PDE1A: variants seen among roughly 807,000 people sequenced by gnomAD.
PDE1A encodes dual specificity calcium/calmodulin-dependent 3',5'-cyclic nucleotide phosphodiesterase 1A.
A neutral mutation model predicts 61.7 loss-of-function variants in PDE1A; 35 were observed. The ratio of observed to expected loss-of-function variants is 0.57; its 90% CI spans 0.43 to 0.75. The LOEUF is 0.75. Ranked by LOEUF, PDE1A falls within the 30% of genes least tolerant of loss-of-function variation. PDE1A has a pLI of 0.00. For synonymous variants in PDE1A, 232 were observed against 213.2 expected, an observed-to-expected ratio of 1.09 and a Z score of -0.77; for missense variants, 597 against 630.6, an observed-to-expected ratio of 0.95 and a Z score of 0.57.
At chr2:182,209,981 T>C (rs1039044851) in intron 7 of PDE1A, among the ~76,000 whole-genome samples, 3 of 152,258 alleles carry the variant, frequency 2.0e-5, no homozygotes, top group African/African-American at 7.2e-5. Flanking sequence ...TGATAGCTAA[T>C]TTCCTTGCAG....
At chr2:182,711,356 A>G in the PDE1A span, among the ~76,000 whole-genome samples, 1 of 152,310 alleles carries the variant, frequency 6.6e-6, no homozygotes, top group Middle Eastern at 3.4e-3. Flanking sequence ...CAGAAGAGCT[A>G]CATTTATGGA....
At chr2:182,630,509 T>C in the PDE1A span, among the ~76,000 whole-genome samples, 4 of 152,046 alleles carry the variant, frequency 2.6e-5, no homozygotes, top group Non-Finnish European at 5.9e-5. Context: ...AATTACAGCA[T>C]GTTCTCACAT....
intron 13 of PDE1A, among the ~76,000 whole-genome samples, chr2:182,151,157 A>T (rs1690757396): frequency 6.6e-6 from 1 of 152,144 alleles, no homozygotes; most frequent in African/African-American, 2.4e-5. Flanking sequence ...GTGCAATCTC[A>T]GCCCATTGCA....
intron 2 of PDE1A, among the ~76,000 whole-genome samples, chr2:182,438,602 G>A (rs768383366): frequency 5.9e-5 from 9 of 151,902 alleles, no homozygotes; most frequent in South Asian, 4.1e-4. Flanking sequence ...TTACTAGAAA[G>A]ACAATGCAGA....
chr2:182,381,014 G>A (rs954313432), intron 1 of PDE1A, among the ~76,000 whole-genome samples: 1 of 152,144 alleles, frequency 6.6e-6, no homozygotes, highest in African/African-American at 2.4e-5. Context: ...CAGATGTGAT[G>A]GTTGTATTTG....
intron 1 of PDE1A, among the ~76,000 whole-genome samples, chr2:182,405,821 T>C (rs1181171031): frequency 6.6e-6 from 1 of 152,184 alleles, no homozygotes. Flanking sequence ...CTTAATGAGA[T>C]AAATTTGATC....
chr2:182,355,710 G>A (rs1194144605), intron 1 of PDE1A, among the ~76,000 whole-genome samples: 1 of 151,934 alleles, frequency 6.6e-6, no homozygotes, highest in Non-Finnish European at 1.5e-5. Context: ...TTTTTAAAAA[G>A]GCTTTTAATT....
At chr2:182,608,578 G>A in the PDE1A span, among the ~76,000 whole-genome samples, 1 of 152,332 alleles carries the variant, frequency 6.6e-6, no homozygotes, top group East Asian at 1.9e-4. Context: ...GCAGTGAGGG[G>A]CTTAGCACCT....
At chr2:182,201,657 A>AAC in intron 9 of PDE1A, 31 bp downstream of exon 9, 1 of 1,554,368 alleles carries the variant, frequency 6.4e-7, no homozygotes, top group Non-Finnish European at 8.7e-7. Context: ...TGACAAAAAA[A>AAC]AAAAAACAAC....
At position 182,407,672 on chromosome 2, in the gene PDE1A, T is replaced by C. The variant is rs1702377948; in HGVS notation, c.53+18906A>G. On this transcript the variant is annotated intron_variant, in intron 1 of 13. Transcript: ENST00000351439. ...CTGGGATTACAGATGTGAGCCACCG[T>C]GCCCGGCCAACATACTTTACGTAGC... is the stretch of plus-strand genomic sequence containing the variant. 3.3e-5 allele frequency among the ~76,000 whole-genome samples: 5 copies of C among 152,230 alleles called. No individual in the cohort carries two copies. The South Asian group carries it at 1.0e-3, about 32-fold the overall frequency.
At chr2:182,561,488 A>G in the PDE1A span, among the ~76,000 whole-genome samples, 525 of 152,248 alleles carry the variant, frequency 3.4e-3, 10 homozygotes, top group African/African-American at 0.012. Context: ...GTCAGGCAGC[A>G]TGATGCCTCC....
rs1189404180 is a variant in PDE1A at position 182,467,636 on chromosome 2, C to A, written c.101+54640G>T. ...GACCAATACCACTTGAAAACAGAGA[C>A]TAAAACTGTAAAAATAAATTAGCAA... On this transcript the variant is annotated intron_variant, in intron 2 of 14. Transcript: ENST00000410103. Among the ~76,000 whole-genome samples the A allele has an allele frequency of 3.3e-5, 5 of 151,904 alleles. No individual in the cohort carries two copies. In the South Asian group the frequency reaches 8.3e-4, roughly 25 times the overall value.
chr2:182,239,807 A>C (rs1440474667), intron 3 of PDE1A, among the ~76,000 whole-genome samples: 1 of 152,202 alleles, frequency 6.6e-6, no homozygotes, highest in Admixed American at 6.5e-5. Context: ...TAACATATAC[A>C]TGTGTCAGAA....
the PDE1A span, among the ~76,000 whole-genome samples, chr2:182,592,945 C>G: frequency 6.6e-6 from 1 of 152,102 alleles, no homozygotes; most frequent in South Asian, 2.1e-4. Flanking sequence ...GAGGCCTTAC[C>G]CCTAAAGATA....
At chr2:182,631,238 C>T in the PDE1A span, among the ~76,000 whole-genome samples, 49 of 152,150 alleles carry the variant, frequency 3.2e-4, no homozygotes, top group African/African-American at 1.1e-3. Context: ...TATCCTAGTT[C>T]AAGCATTCAG....
chr2:182,449,807 A>T (rs1685392468), intron 2 of PDE1A, among the ~76,000 whole-genome samples: 1 of 152,074 alleles, frequency 6.6e-6, no homozygotes, highest in Admixed American at 6.6e-5. Context: ...TCTCACCTTC[A>T]TATTACTAAA....
chr2:182,340,686 C>G (rs1249671702), intron 1 of PDE1A, among the ~76,000 whole-genome samples: 1 of 152,136 alleles, frequency 6.6e-6, no homozygotes, highest in African/African-American at 2.4e-5. Flanking sequence ...CAATAGCTAG[C>G]TTTTCTGTAG....
intron 2 of PDE1A, among the ~76,000 whole-genome samples, chr2:182,498,930 G>C (rs1304489845): frequency 6.6e-6 from 1 of 151,702 alleles, no homozygotes; most frequent in Admixed American, 6.6e-5. Context: ...GCGACAGAGC[G>C]AGACTCCATC....
chr2:182,432,750 G>A (rs1704019581), intron 2 of PDE1A, among the ~76,000 whole-genome samples: 2 of 151,980 alleles, frequency 1.3e-5, no homozygotes, highest in Admixed American at 6.6e-5. Context: ...AAGGAAGAGG[G>A]TTTCTCTGAC....
Sources: allele counts gnomAD v4.1 joint callset (sites outside exome capture counted in the v4.1 genomes callset), GRCh38; gene constraint gnomAD v4.1.1; transcripts MANE v1.5; gene names NCBI Gene and HGNC (gene_info 2026-07-23, HGNC 2026-07-21).